Variants in AFF3 observed in about 807,000 individuals in gnomAD.
The protein encoded by AFF3 is ALF transcription elongation factor 3, also known as AF4/FMR2 family member 3.
In AFF3, 32 loss-of-function variants were observed where a neutral mutation model predicts 129.7. That is an observed-to-expected ratio of 0.25 (90% confidence interval 0.19 to 0.33). The LOEUF (loss-of-function observed/expected upper bound fraction) is 0.33, where lower values mean the gene tolerates loss of function less well. AFF3 is among the 10% of genes least tolerant of loss of function. The pLI, the probability that AFF3 is intolerant of heterozygous loss-of-function variation, is 1.00. For missense variants in AFF3, 1,373 were observed against 1,592.0 expected, an observed-to-expected ratio of 0.86 and a Z score of 2.34; for synonymous variants, 644 against 635.4, an observed-to-expected ratio of 1.01 and a Z score of -0.20.
intron 4 of AFF3, among the ~76,000 whole-genome samples, chr2:100,045,293 C>T (rs755928007): frequency 5.9e-5 from 9 of 152,142 alleles, no homozygotes; most frequent in Admixed American, 2.0e-4. Context: ...CAGCAACAGT[C>T]GCATGTTCAC....
At chr2:99,564,223 A>C (rs563676228) in intron 20 of AFF3, among the ~76,000 whole-genome samples, 7 of 152,120 alleles carry the variant, frequency 4.6e-5, no homozygotes, top group Admixed American at 1.3e-4. Flanking sequence ...AAACCCAAAA[A>C]ACTCCCTGTG....
chr2:99,690,514 A>T (rs1208685948), intron 11 of AFF3, among the ~76,000 whole-genome samples: 1 of 152,110 alleles, frequency 6.6e-6, no homozygotes, highest in African/African-American at 2.4e-5. Flanking sequence ...ATTGTCTATT[A>T]ACTTTAAAAA....
intron 4 of AFF3, among the ~76,000 whole-genome samples, chr2:100,077,198 G>A (rs373588469): frequency 1.3e-5 from 2 of 152,134 alleles, no homozygotes; most frequent in Admixed American, 6.5e-5. Flanking sequence ...GCAATGAGCC[G>A]AGATCATACC....
At chr2:100,009,416 G>A (rs543025298) in intron 4 of AFF3, among the ~76,000 whole-genome samples, 2 of 151,694 alleles carry the variant, frequency 1.3e-5, no homozygotes, top group South Asian at 4.2e-4. Flanking sequence ...ACTGCATGCT[G>A]CAGTGGTTTT....
At chr2:99,938,142 A>G (rs1248482666) in intron 7 of AFF3, among the ~76,000 whole-genome samples, 1 of 152,188 alleles carries the variant, frequency 6.6e-6, no homozygotes, top group Non-Finnish European at 1.5e-5. Flanking sequence ...AACACACAGT[A>G]ACTGCTCAAA....
At chr2:99,861,081 C>CT (rs1690957835) in intron 7 of AFF3, among the ~76,000 whole-genome samples, 2 of 152,130 alleles carry the variant, frequency 1.3e-5, no homozygotes, top group African/African-American at 4.8e-5. Context: ...AATCAGAGGG[C>CT]TTCAGATGGA....
chr2:100,075,609 A>G (rs1688523698), intron 4 of AFF3, among the ~76,000 whole-genome samples: 1 of 152,144 alleles, frequency 6.6e-6, no homozygotes, highest in African/African-American at 2.4e-5. Context: ...CGGCAACAAC[A>G]GTGGCCAAAA....
intron 7 of AFF3, among the ~76,000 whole-genome samples, chr2:99,877,521 T>C (rs1477090404): frequency 1.3e-5 from 2 of 152,160 alleles, no homozygotes; most frequent in African/African-American, 2.4e-5. Context: ...GATGGCAGCA[T>C]AGACAGGGAA....
intron 13 of AFF3, among the ~76,000 whole-genome samples, chr2:99,640,797 G>A (rs918427710): frequency 6.6e-6 from 1 of 152,226 alleles, no homozygotes; most frequent in East Asian, 1.9e-4. Context: ...CATAAATAAA[G>A]GAGGCAGAGA....
At chr2:99,583,097 G>GGTGGT in intron 16 of AFF3, 98 bp from the exon 17 acceptor site, 1 of 1,050,604 alleles carries the variant, frequency 9.5e-7, no homozygotes, top group Non-Finnish European at 1.4e-6. Flanking sequence ...GGACCTGTTG[G>GGTGGT]TAGGAGAAGC....
chr2:99,642,319 C>T (rs1384721839), intron 13 of AFF3, among the ~76,000 whole-genome samples: 2 of 149,932 alleles, frequency 1.3e-5, no homozygotes, highest in African/African-American at 4.9e-5. Flanking sequence ...TTCTTGCCTA[C>T]TTTTGGACTG....
chr2:99,942,630 G>A (rs1412067190), intron 7 of AFF3, among the ~76,000 whole-genome samples: 2 of 152,006 alleles, frequency 1.3e-5, no homozygotes, highest in Non-Finnish European at 2.9e-5. Context: ...CAAGTAGAAA[G>A]GTCCTGAGGC....
At chr2:100,105,913 C>T (rs1434283331) in intron 2 of AFF3, 18 of 1,330,410 alleles carry the variant, frequency 1.4e-5, no homozygotes, top group Non-Finnish European at 1.7e-5. Context: ...CCTTCCAGCA[C>T]TCTCCCCTTT....
At chr2:99,587,113 A>G (rs770711855) in intron 16 of AFF3, 41 bp downstream of exon 16, 4 of 1,611,152 alleles carry the variant, frequency 2.5e-6, no homozygotes, top group South Asian at 2.2e-5. Flanking sequence ...AGACCCAGAG[A>G]TCTCTCCAGC....
At chr2:100,131,906 G>C (rs1029112532) in intron 1 of AFF3, among the ~76,000 whole-genome samples, 4 of 152,180 alleles carry the variant, frequency 2.6e-5, no homozygotes, top group Non-Finnish European at 5.9e-5. Flanking sequence ...TTACAGAACA[G>C]GTAACTGGCT....
chr2:99,872,734 G>A (rs1451049975), intron 7 of AFF3, among the ~76,000 whole-genome samples: 1 of 151,950 alleles, frequency 6.6e-6, no homozygotes, highest in Non-Finnish European at 1.5e-5. Flanking sequence ...AGAAAATCTT[G>A]GTTCACTGAG....
chr2:100,105,482 C>G, intron 3 of AFF3, 22 bp downstream of exon 3: 1 of 1,327,312 alleles, frequency 7.5e-7, no homozygotes, highest in Non-Finnish European at 1.0e-6. Context: ...GGAAACCAAC[C>G]TCCTTTCTTT....
chr2:99,656,269 C>T (rs1252172772), intron 12 of AFF3, among the ~76,000 whole-genome samples: 1 of 152,104 alleles, frequency 6.6e-6, no homozygotes, highest in Non-Finnish European at 1.5e-5. Flanking sequence ...ATTTAGGTTT[C>T]AACTGGTTGG....
chr2:99,564,502 AT>A (rs1675785713), intron 20 of AFF3, among the ~76,000 whole-genome samples: 1 of 152,216 alleles, frequency 6.6e-6, no homozygotes, highest in South Asian at 2.1e-4. Context: ...ATTAAGAAAA[AT>A]GGGCAGTGTT....
Sources: gnomAD v4.1 joint callset for allele counts (sites outside exome capture counted in the v4.1 genomes callset) on GRCh38, gnomAD v4.1.1 for gene constraint, MANE v1.5 for transcripts, NCBI Gene and HGNC (gene_info 2026-07-23, HGNC 2026-07-21) for gene names.